Variants in COL23A1 observed in about 807,000 individuals in gnomAD.
COL23A1 encodes the protein collagen type XXIII alpha 1 chain, also known as collagen alpha-1(XXIII) chain.
A neutral mutation model predicts 99.3 loss-of-function variants in COL23A1; 97 were observed. The observed-to-expected ratio is 0.98, with a 90% confidence interval of 0.83 to 1.16. The LOEUF (loss-of-function observed/expected upper bound fraction) is 1.16. Among genes scored for constraint, COL23A1 ranks in the 50% most tolerant of loss-of-function variants. The pLI is 0.00. For synonymous variants in COL23A1, 320 were observed against 308.2 expected (o/e 1.04, Z -0.40); for missense variants, 762 against 757.4 (o/e 1.01, Z -0.07).
intron 2 of COL23A1, among the ~76,000 whole-genome samples, chr5:178,464,688 G>A (rs1274409652): frequency 6.6e-6 from 1 of 152,228 alleles, no homozygotes; most frequent in Non-Finnish European, 1.5e-5. Context: ...GAAAAAGCTG[G>A]ATTTTTAAAG....
intron 2 of COL23A1, chr5:178,377,858 G>A (rs1221626244): frequency 3.3e-5 from 5 of 152,528 alleles, no homozygotes; most frequent in Non-Finnish European, 7.3e-5. Flanking sequence ...GACACACGGT[G>A]GAGAAGACAC....
intron 2 of COL23A1, among the ~76,000 whole-genome samples, chr5:178,536,812 G>C (rs945580553): frequency 2.0e-5 from 3 of 152,228 alleles, no homozygotes; most frequent in Non-Finnish European, 2.9e-5. Flanking sequence ...AGGGGGTGGA[G>C]GATGCACATT....
At chr5:178,532,823 T>C (rs1437195802) in intron 2 of COL23A1, among the ~76,000 whole-genome samples, 47 of 152,200 alleles carry the variant, frequency 3.1e-4, no homozygotes, top group Admixed American at 3.1e-3. Flanking sequence ...GAGCAGCTTC[T>C]CTTTCTGACA....
intron 6 of COL23A1, among the ~76,000 whole-genome samples, chr5:178,269,795 GCATCCATCCATC>G (rs112165051): frequency 7.0e-6 from 1 of 141,932 alleles, no homozygotes; most frequent in South Asian, 2.3e-4. Context: ...TATCCAGTCA[GCATCCATCCATC>G]CATCCATCCA....
intron 8 of COL23A1, chr5:178,265,671 T>C (rs772440840): frequency 2.0e-5 from 20 of 985,710 alleles, no homozygotes; most frequent in Non-Finnish European, 2.3e-5. Flanking sequence ...GATCCGGCGA[T>C]TGTACAGGTG....
chr5:178,314,319 A>T (rs1177510745), intron 2 of COL23A1, among the ~76,000 whole-genome samples: 1 of 152,098 alleles, frequency 6.6e-6, no homozygotes, highest in Non-Finnish European at 1.5e-5. Context: ...TCCTGAAGCC[A>T]TCTGGAAAGC....
In COL23A1 at chr5:178,255,570, C is replaced by T. The variant is rs1374679355; in HGVS notation, c.883-544G>A. Among the ~76,000 whole-genome samples the T allele has an allele frequency of 6.6e-6, 1 of 152,008 alleles. No individual in the cohort carries two copies. Among genetic ancestry groups the T allele is most frequent in the Non-Finnish European group, 1.5e-5 (1 of 67,984 alleles). On this transcript the variant is annotated intron_variant, in intron 15 of 28. Coordinates refer to ENST00000390654, the MANE Select transcript of COL23A1 (RefSeq NM_173465.4). The surrounding 1 kb of genome is among the most constrained non-coding windows in gnomAD (Gnocchi z 4.2). Reference sequence around the variant, plus strand: ...ACGCATGGCTGCTGGCCAGCCCTTCCCTTGTGAACCTCACTTCCCCACCCA... The same window carrying T: ...ACGCATGGCTGCTGGCCAGCCCTTCTCTTGTGAACCTCACTTCCCCACCCA...
At chr5:178,257,017 G>A in intron 13 of COL23A1, 89 bp from the exon 14 acceptor site, 3 of 1,266,040 alleles carry the variant, frequency 2.4e-6, no homozygotes, top group Non-Finnish European at 3.4e-6. Context: ...GTTGCCTGAA[G>A]CCTCGCGATT....
Position 178,589,461 on chromosome 5 carries a change from G to A in COL23A1, c.294+443C>T, listed in dbSNP as rs180735520. ...CCTGTCTGAGGCTTTCCTCCGCCGT[G>A]ACCACCGCCTCTCCAGGTGTACCAG... is the stretch of plus-strand genomic sequence containing the variant. On this transcript the variant is annotated intron_variant, in intron 1 of 28. Coordinates refer to ENST00000390654, the MANE Select transcript of COL23A1 (RefSeq NM_173465.4). This position sits in a 1 kb window ranked among gnomAD's most constrained non-coding sequence, Gnocchi z 5.4. Among the ~76,000 whole-genome samples, 8 of 152,174 alleles carry A rather than the reference G, an allele frequency of 5.3e-5. No homozygotes were observed. The highest frequency in any genetic ancestry group is 1.9e-4 in the African/African-American group (8 of 41,458).
intron 2 of COL23A1, among the ~76,000 whole-genome samples, chr5:178,354,776 G>A (rs1030238738): frequency 5.9e-5 from 9 of 152,094 alleles, no homozygotes; most frequent in African/African-American, 1.9e-4. Flanking sequence ...TTTTCTTTAG[G>A]TTGGGTGTGG....
At chr5:178,382,578 G>T (rs1410432701) in intron 2 of COL23A1, among the ~76,000 whole-genome samples, 1 of 152,248 alleles carries the variant, frequency 6.6e-6, no homozygotes, top group South Asian at 2.1e-4. Flanking sequence ...AGAGTGGGGG[G>T]TGAGGAGGGC....
Position 178,249,716 on chromosome 5 carries a change from A to ACACACTCACTCTCTCTCTCT in COL23A1, c.1059+344_1059+345insAGAGAGAGAGAGTGAGTGTG. Among the ~76,000 whole-genome samples, 16 of 92,806 alleles carry ACACACTCACTCTCTCTCTCT rather than the reference A, an allele frequency of 1.7e-4. No homozygotes were observed. The East Asian group carries it at 2.5e-3, about 15-fold the overall frequency. The allele number at this position is 92,806 out of a possible 152,430, so 60.9% of individuals were successfully genotyped here. Reference sequence around the variant, plus strand: ...CACACACACACACACACACACACACACTCTCTCTCTCTCTCTCTCTCTCTC... The same window carrying ACACACTCACTCTCTCTCTCT: ...CACACACACACACACACACACACACACACACTCACTCTCTCTCTCTCTCTCTCTCTCTCTCTCTCTCTCTC... On this transcript the variant is annotated intron_variant, in intron 18 of 28. Transcript: ENST00000390654.
intron 2 of COL23A1, among the ~76,000 whole-genome samples, chr5:178,463,294 A>G (rs1471350194): frequency 6.6e-6 from 1 of 152,224 alleles, no homozygotes; most frequent in African/African-American, 2.4e-5. Flanking sequence ...TTGAATTTTA[A>G]GTGTTTCAGA....
At chr5:178,565,961 CA>C (rs555054624) in intron 1 of COL23A1, among the ~76,000 whole-genome samples, 1,010 of 98,294 alleles carry the variant, frequency 0.01, 2 homozygotes, top group East Asian at 0.022. Flanking sequence ...AAAAAAAATA[CA>C]AAAAAAAAAA....
chr5:178,430,901 G>A (rs1446531573), intron 2 of COL23A1, among the ~76,000 whole-genome samples: 1 of 152,110 alleles, frequency 6.6e-6, no homozygotes, highest in East Asian at 1.9e-4. Context: ...GCATCCCACA[G>A]CCCTCACGTG....
chr5:178,402,387 G>C (rs541566214), intron 2 of COL23A1, among the ~76,000 whole-genome samples: 1 of 152,144 alleles, frequency 6.6e-6, no homozygotes, highest in East Asian at 1.9e-4. Context: ...CGAAGACAGA[G>C]AGTAGACTGG....
intron 2 of COL23A1, among the ~76,000 whole-genome samples, chr5:178,327,392 A>C (rs73804794): frequency 6.6e-6 from 1 of 152,114 alleles, no homozygotes; most frequent in Non-Finnish European, 1.5e-5. Context: ...GCTACGGAAA[A>C]CACCTATGGA....
At chr5:178,279,052 G>T (rs997205045) in intron 5 of COL23A1, among the ~76,000 whole-genome samples, 1 of 152,264 alleles carries the variant, frequency 6.6e-6, no homozygotes, top group African/African-American at 2.4e-5. Flanking sequence ...TCTGGAGCTC[G>T]GAGAGGCCAG....
Position 178,239,619 on chromosome 5 carries a change from CCGAGAGCCG to C in COL23A1, c.1582-449_1582-441del, listed in dbSNP as rs1369957613. Among the ~76,000 whole-genome samples the C allele has an allele frequency of 1.1e-4, 7 of 61,018 alleles. 1 individual carries two copies. The highest frequency in any genetic ancestry group is 3.0e-5 in the Non-Finnish European group (1 of 33,102). The allele number at this position is 61,018 out of a possible 152,430, so 40.0% of individuals were successfully genotyped here. On this transcript the variant is annotated intron_variant, in intron 27 of 28. Transcript: ENST00000390654. The stretch of plus-strand genomic sequence containing the variant: ...GACACTGACTCTGGCCTGGGTCCTG[CCGAGAGCCG>C]TGTGGCTTCCTGCCTGATGTGACAC...
Sources: allele counts gnomAD v4.1 joint callset (sites outside exome capture counted in the v4.1 genomes callset), GRCh38; gene constraint gnomAD v4.1.1; non-coding constraint Gnocchi (gnomAD v3.1); transcripts MANE v1.5; gene names NCBI Gene and HGNC (gene_info 2026-07-23, HGNC 2026-07-21).